OSBPL2: variants seen among roughly 807,000 people sequenced by gnomAD.
The protein encoded by OSBPL2 is oxysterol-binding protein-related protein 2.
In OSBPL2, 18 loss-of-function variants were observed where a neutral mutation model predicts 58.4. That is an observed-to-expected ratio of 0.31 (90% CI 0.21 to 0.46). The LOEUF is 0.46. Among genes scored for constraint, OSBPL2 ranks in the 20% least tolerant of loss-of-function variants. The probability of loss-of-function intolerance (pLI) is 1.00; values close to 1 mark genes in which losing one functional copy is unlikely to be tolerated. For missense variants in OSBPL2, 461 were observed against 616.5 expected (o/e 0.75, Z 2.67); for synonymous variants, 221 against 234.1 (o/e 0.94, Z 0.51).
chr20:62,249,219 C>T (rs1388002192), intron 1 of OSBPL2, among the ~76,000 whole-genome samples: 1 of 151,824 alleles, frequency 6.6e-6, no homozygotes, highest in Non-Finnish European at 1.5e-5. Flanking sequence ...TGCCCCCCAA[C>T]CCCCCAAAAA....
chr20:62,265,315 T>G (rs1981593187), intron 4 of OSBPL2, among the ~76,000 whole-genome samples: 1 of 152,248 alleles, frequency 6.6e-6, no homozygotes, highest in South Asian at 2.1e-4. Flanking sequence ...AGTATAGTCC[T>G]TATTTACGGA....
chr20:62,271,997 G>A, intron 4 of OSBPL2, 128 bp from the exon 5 acceptor site: 3 of 1,104,130 alleles, frequency 2.7e-6, no homozygotes, highest in Non-Finnish European at 4.0e-6. Flanking sequence ...CACCCATGGG[G>A]GGTTTGAAGA....
intron 1 of OSBPL2, among the ~76,000 whole-genome samples, chr20:62,239,953 A>C (rs1979611271): frequency 6.6e-6 from 1 of 152,216 alleles, no homozygotes; most frequent in South Asian, 2.1e-4. Context: ...CCCGGCTTCA[A>C]GCCATTCTCC....
At chr20:62,268,940 C>G (rs1208299347) in intron 4 of OSBPL2, among the ~76,000 whole-genome samples, 2 of 152,230 alleles carry the variant, frequency 1.3e-5, no homozygotes, top group African/African-American at 4.8e-5. Context: ...GCCTGTAATC[C>G]CAGCTACTTG....
intron 10 of OSBPL2, 87 bp from the exon 11 acceptor site, chr20:62,286,496 G>A: frequency 6.8e-7 from 1 of 1,461,636 alleles, no homozygotes; most frequent in African/African-American, 1.4e-5. Flanking sequence ...CAGGTGACTG[G>A]TCTGAAAGGC....
intron 1 of OSBPL2, among the ~76,000 whole-genome samples, chr20:62,254,524 G>A (rs750436582): frequency 2.0e-5 from 3 of 152,250 alleles, no homozygotes; most frequent in Non-Finnish European, 4.4e-5. Context: ...GGGAGGAACC[G>A]GGAGACACTG....
intron 4 of OSBPL2, among the ~76,000 whole-genome samples, chr20:62,265,195 G>A (rs931491222): frequency 1.3e-5 from 2 of 152,112 alleles, no homozygotes; most frequent in African/African-American, 4.8e-5. Context: ...AATTGGAATT[G>A]TTCTGTAAAG....
intron 4 of OSBPL2, 90 bp downstream of exon 4, chr20:62,263,781 C>G (rs997004453): frequency 3.3e-6 from 4 of 1,200,222 alleles, no homozygotes; most frequent in Non-Finnish European, 4.9e-6. Flanking sequence ...AAAATGCGCT[C>G]TTGGCCGGGC....
chr20:62,260,158 G>A (rs1981203938), intron 3 of OSBPL2, 33 bp downstream of exon 3: 2 of 1,605,898 alleles, frequency 1.2e-6, no homozygotes, highest in Admixed American at 1.7e-5. Context: ...TTTCTAAAAT[G>A]TGTCTGTAAT....
intron 1 of OSBPL2, among the ~76,000 whole-genome samples, chr20:62,244,026 A>G (rs1979920471): frequency 6.6e-6 from 1 of 152,010 alleles, no homozygotes. Context: ...TTAGGGCTGC[A>G]CAGGATGAAG....
intron 1 of OSBPL2, among the ~76,000 whole-genome samples, chr20:62,246,894 T>C (rs1249418964): frequency 1.3e-5 from 2 of 152,210 alleles, no homozygotes; most frequent in Non-Finnish European, 2.9e-5. Flanking sequence ...ATTCTGTCCT[T>C]AAACTTTGTG....
chr20:62,280,934 AGCGTGCT>A lies in OSBPL2; in HGVS notation c.675-121_675-115del, dbSNP rs1982738344. 4 of 704,312 alleles carry A rather than the reference AGCGTGCT, an allele frequency of 5.7e-6. No individual in the cohort carries two copies. In the East Asian group the frequency reaches 1.0e-4, roughly 18 times the overall value. 43.6% of individuals were successfully genotyped at this position (704,312 alleles called of 1,614,324 possible). On this transcript the variant is annotated intron_variant, in intron 7 of 13. Coordinates refer to ENST00000313733, the MANE Select transcript of OSBPL2 (RefSeq NM_144498.4). ...GCCTCCGTCGCAGGGGCTTCAAAGC[AGCGTGCT>A]GCTCTCCCGCGGGTGCCGGTTGCTG...
intron 7 of OSBPL2, chr20:62,280,039 CA>C: frequency 1.5e-6 from 2 of 1,304,238 alleles, no homozygotes; most frequent in Non-Finnish European, 2.0e-6. Context: ...GAGCAAAACA[CA>C]AGTCTCCAAC....
chr20:62,292,580 A>G (rs532706361), intron 13 of OSBPL2, among the ~76,000 whole-genome samples: 2 of 152,368 alleles, frequency 1.3e-5, no homozygotes, highest in Non-Finnish European at 2.9e-5. Flanking sequence ...GATTCAATCA[A>G]TAATGTACTG....
In OSBPL2 at chr20:62,277,708, T is replaced by A. The variant is rs374150660; in HGVS notation, c.492-1449T>A. ...CTTTTAAAATCTAATTTTTCAACTT[T>A]CTTTCTTCTGTAATGATTGGAAATT... On this transcript the variant is annotated intron_variant, in intron 6 of 13. Coordinates refer to ENST00000313733, the MANE Select transcript of OSBPL2 (RefSeq NM_144498.4). Among the ~76,000 whole-genome samples, 15 of 152,368 alleles carry A rather than the reference T, an allele frequency of 9.8e-5. No homozygotes were observed. The East Asian group carries it at 1.3e-3, about 14-fold the overall frequency.
At chr20:62,242,980 G>C (rs975938649) in intron 1 of OSBPL2, among the ~76,000 whole-genome samples, 3 of 152,174 alleles carry the variant, frequency 2.0e-5, no homozygotes. Flanking sequence ...CCTGTGCTTT[G>C]TACTGAATAA....
chr20:62,276,767 C>T (rs1350990250), intron 6 of OSBPL2, among the ~76,000 whole-genome samples: 2 of 152,050 alleles, frequency 1.3e-5, no homozygotes, highest in Non-Finnish European at 2.9e-5. Flanking sequence ...AGACTGGCCA[C>T]GAGAACCACT....
intron 6 of OSBPL2, among the ~76,000 whole-genome samples, chr20:62,276,989 C>G (rs1427345800): frequency 6.6e-6 from 1 of 152,232 alleles, no homozygotes; most frequent in Non-Finnish European, 1.5e-5. Context: ...TGGCTCACGC[C>G]TGTAATCCCA....
At chr20:62,293,442 T>C (rs114105936) in intron 13 of OSBPL2, among the ~76,000 whole-genome samples, 83 of 152,362 alleles carry the variant, frequency 5.4e-4, no homozygotes, top group African/African-American at 1.9e-3. Context: ...ACAGCACATG[T>C]GAACAGTGTA....
Sources: allele counts gnomAD v4.1 joint callset (sites outside exome capture counted in the v4.1 genomes callset), GRCh38; gene constraint gnomAD v4.1.1; transcripts MANE v1.5; gene names NCBI Gene and HGNC (gene_info 2026-07-23, HGNC 2026-07-21).